The following KAZN variants were observed in gnomAD, a reference collection of about 807,000 sequenced individuals.
The protein encoded by KAZN is kazrin.
In KAZN, 40 loss-of-function variants were observed where a neutral mutation model predicts 87.4. The observed-to-expected ratio is 0.46, with a 90% CI of 0.36 to 0.60. The LOEUF (loss-of-function observed/expected upper bound fraction) is 0.60, where lower values mean the gene tolerates loss of function less well. KAZN is among the 20% of genes least tolerant of loss of function. The probability of loss-of-function intolerance (pLI) is 0.00; values close to 1 mark genes in which losing one functional copy is unlikely to be tolerated. For missense variants in KAZN, 898 were observed against 1,073.9 expected, an observed-to-expected ratio of 0.84 and a Z score of 2.29; for synonymous variants, 466 against 458.3, an observed-to-expected ratio of 1.02 and a Z score of -0.22.
intron 1 of KAZN, among the ~76,000 whole-genome samples, chr1:13,995,655 G>A (rs944424287): frequency 1.3e-5 from 2 of 152,190 alleles, no homozygotes; most frequent in African/African-American, 4.8e-5. Flanking sequence ...CTTTTTAGGT[G>A]TAGAAATTTC....
chr1:14,891,177 T>C (rs559231366), intron 1 of KAZN, among the ~76,000 whole-genome samples: 11 of 152,132 alleles, frequency 7.2e-5, no homozygotes, highest in Non-Finnish European at 1.5e-5. Context: ...ATTGTTTCCA[T>C]AGGTTTTTGG....
At chr1:14,043,420 C>T (rs1427614286) in intron 1 of KAZN, among the ~76,000 whole-genome samples, 2 of 152,088 alleles carry the variant, frequency 1.3e-5, no homozygotes, top group Admixed American at 6.6e-5. Flanking sequence ...TATCTGAATC[C>T]CTTATTTCAG....
intron 1 of KAZN, among the ~76,000 whole-genome samples, chr1:13,954,280 A>G (rs1244953945): frequency 6.6e-6 from 1 of 152,208 alleles, no homozygotes; most frequent in Non-Finnish European, 1.5e-5. Context: ...ACAAAACCGC[A>G]TCATGTGTCT....
intron 1 of KAZN, among the ~76,000 whole-genome samples, chr1:14,606,488 G>A (rs2148611233): frequency 1.3e-5 from 2 of 152,256 alleles, no homozygotes; most frequent in East Asian, 3.9e-4. Context: ...GGACTATTTT[G>A]ATCCTGGACT....
Position 13,981,097 on chromosome 1 carries a change from A to ATATATATATATATATATATATAAAAG in KAZN, c.91+87354_91+87355insATATATATAAAAGTATATATATATAT, listed in dbSNP as rs372269866. On this transcript the variant is annotated intron_variant, in intron 1 of 16. Coordinates refer to the KAZN transcript ENST00000636203. ...GTATAAAAAATTACTCTTTATATAT[A>ATATATATATATATATATATATAAAAG]TATATATATATATGTATATATAAAC... Among the ~76,000 whole-genome samples the ATATATATATATATATATATATAAAAG allele has an allele frequency of 3.1e-4, 30 of 96,940 alleles. 3 individuals carry two copies. The highest frequency in any genetic ancestry group is 6.1e-4 in the Non-Finnish European group (27 of 44,586). 63.6% of individuals were successfully genotyped at this position (96,940 alleles called of 152,430 possible).
chr1:14,932,385 G>A lies in KAZN; in HGVS notation c.227-28299G>A, dbSNP rs181088868. ...TGTCAGCCAGACAGTGGAGAGCCAC[G>A]TGGGGGAGTTTCTATTTACTCTCTA... On this transcript the variant is annotated intron_variant, in intron 1 of 14. Coordinates refer to ENST00000376030, the MANE Select transcript of KAZN (RefSeq NM_201628.3). Among the ~76,000 whole-genome samples, 632 of 152,312 alleles carry A rather than the reference G, an allele frequency of 4.1e-3. 2 individuals are homozygous for A. Among genetic ancestry groups the A allele is most frequent in the African/African-American group, 0.014 (595 of 41,584 alleles).
At chr1:14,465,182 G>A (rs112105832) in intron 2 of KAZN, among the ~76,000 whole-genome samples, 2 of 151,870 alleles carry the variant, frequency 1.3e-5, no homozygotes, top group African/African-American at 4.8e-5. Flanking sequence ...GGTGGATCAC[G>A]AGGTCAGGAG....
chr1:14,387,988 C>T (rs1033292372), intron 2 of KAZN, among the ~76,000 whole-genome samples: 7 of 152,218 alleles, frequency 4.6e-5, no homozygotes, highest in South Asian at 2.1e-4. Flanking sequence ...TAGGACCCTC[C>T]GATCCAGGTG....
intron 2 of KAZN, among the ~76,000 whole-genome samples, chr1:14,496,964 C>T (rs1331413016): frequency 6.6e-6 from 1 of 152,118 alleles, no homozygotes; most frequent in African/African-American, 2.4e-5. Flanking sequence ...TAGAACTTGA[C>T]AACTGAGAAA....
At chr1:14,561,476 G>A (rs1674248471) in intron 2 of KAZN, among the ~76,000 whole-genome samples, 1 of 152,140 alleles carries the variant, frequency 6.6e-6, no homozygotes. Flanking sequence ...TTACCCCTGG[G>A]CCAATCAGCT....
chr1:14,479,351 G>T (rs1006722662), intron 2 of KAZN, among the ~76,000 whole-genome samples: 2 of 152,188 alleles, frequency 1.3e-5, no homozygotes, highest in Non-Finnish European at 2.9e-5. Context: ...ATGCAGCTAT[G>T]GTTCGCCATG....
chr1:14,251,949 C>A (rs1008512522), intron 2 of KAZN, among the ~76,000 whole-genome samples: 1 of 152,016 alleles, frequency 6.6e-6, no homozygotes, highest in African/African-American at 2.4e-5. Flanking sequence ...GTGCCCGACC[C>A]TCCTTGGATC....
intron 1 of KAZN, among the ~76,000 whole-genome samples, chr1:13,939,651 C>T (rs1287259300): frequency 6.6e-6 from 1 of 152,186 alleles, no homozygotes; most frequent in Non-Finnish European, 1.5e-5. Flanking sequence ...AGCAATGCCC[C>T]ACTCCTGTTT....
At chr1:14,095,152 G>A (rs957382140) in intron 1 of KAZN, among the ~76,000 whole-genome samples, 1 of 152,092 alleles carries the variant, frequency 6.6e-6, no homozygotes, top group Non-Finnish European at 1.5e-5. Context: ...ATTCCCTTCC[G>A]TGAACAATGA....
intron 1 of KAZN, among the ~76,000 whole-genome samples, chr1:14,646,082 G>A (rs929535435): frequency 6.6e-6 from 1 of 152,050 alleles, no homozygotes; most frequent in Non-Finnish European, 1.5e-5. Flanking sequence ...TCACTAGAGG[G>A]TAGGGGTTGG....
chr1:14,779,945 TA>T (rs1645284400), intron 1 of KAZN, among the ~76,000 whole-genome samples: 1 of 152,240 alleles, frequency 6.6e-6, no homozygotes, highest in Non-Finnish European at 1.5e-5. Context: ...TACCTGGGGT[TA>T]ATGATGATTT....
intron 1 of KAZN, among the ~76,000 whole-genome samples, chr1:14,066,825 A>G (rs1643027239): frequency 6.6e-6 from 1 of 152,234 alleles, no homozygotes; most frequent in Admixed American, 6.5e-5. Flanking sequence ...CTTAGCACTC[A>G]GGCACAGAAA....
intron 1 of KAZN, among the ~76,000 whole-genome samples, chr1:14,839,196 G>A (rs1051905826): frequency 2.6e-5 from 4 of 152,130 alleles, no homozygotes; most frequent in Non-Finnish European, 4.4e-5. Context: ...TGAGAAGGCT[G>A]TGTAGGATAG....
intron 2 of KAZN, among the ~76,000 whole-genome samples, chr1:14,514,617 A>ATTTTCTTTATATTT: frequency 2.1e-5 from 1 of 48,308 alleles, no homozygotes; most frequent in Admixed American, 2.7e-4. Flanking sequence ...ATATATATAT[A>ATTTTCTTTATATTT]TATATATATA....
Sources: allele counts gnomAD v4.1 joint callset (sites outside exome capture counted in the v4.1 genomes callset), GRCh38; gene constraint gnomAD v4.1.1; transcripts MANE v1.5; gene names NCBI Gene and HGNC (gene_info 2026-07-23, HGNC 2026-07-21).